Variants in ZNF341 observed in about 807,000 individuals in gnomAD.
ZNF341 encodes zinc finger protein 341.
A neutral mutation model predicts 87.7 loss-of-function variants in ZNF341; 52 were observed. The observed-to-expected ratio is 0.59, with a 90% CI of 0.47 to 0.75. The LOEUF (loss-of-function observed/expected upper bound fraction) is 0.75, where lower values mean the gene tolerates loss of function less well. ZNF341 is among the 30% of genes least tolerant of loss of function. The pLI is 0.00. For missense variants in ZNF341, 977 were observed against 1,145.9 expected (o/e 0.85, Z 2.13); for synonymous variants, 459 against 472.7 (o/e 0.97, Z 0.38).
chr20:33,746,708 A>C (rs1280600445), intron 3 of ZNF341, among the ~76,000 whole-genome samples: 2 of 152,188 alleles, frequency 1.3e-5, no homozygotes, highest in Admixed American at 6.5e-5. Context: ...CAGGCAGTGG[A>C]TGCGGGTAGC....
intron 2 of ZNF341, among the ~76,000 whole-genome samples, chr20:33,741,703 C>A (rs2122637156): frequency 6.6e-6 from 1 of 152,332 alleles, no homozygotes; most frequent in East Asian, 1.9e-4. Flanking sequence ...CTGCACCTGG[C>A]CTGTAAGGGC....
chr20:33,779,048 G>A (rs893926536), intron 10 of ZNF341, among the ~76,000 whole-genome samples: 13 of 152,096 alleles, frequency 8.5e-5, no homozygotes, highest in Non-Finnish European at 7.3e-5. Context: ...CTGAGACTGG[G>A]TAATTTATAA....
chr20:33,778,729 A>G (rs1412162881), intron 10 of ZNF341, among the ~76,000 whole-genome samples: 4 of 152,226 alleles, frequency 2.6e-5, no homozygotes, highest in Non-Finnish European at 4.4e-5. Flanking sequence ...AGTACTCTAC[A>G]CAGCCTGCCT....
chr20:33,775,400 C>T (rs1303422079), intron 10 of ZNF341, among the ~76,000 whole-genome samples: 2 of 151,524 alleles, frequency 1.3e-5, no homozygotes, highest in African/African-American at 4.9e-5. Context: ...TTAGTAGAGA[C>T]GGGGTTTCAC....
intron 8 of ZNF341, among the ~76,000 whole-genome samples, chr20:33,764,799 T>C (rs1379669523): frequency 2.0e-5 from 3 of 151,598 alleles, no homozygotes; most frequent in East Asian, 3.9e-4. Flanking sequence ...GGATATGGAC[T>C]GGACACATTT....
At chr20:33,783,693 C>A in intron 11 of ZNF341, 39 bp from the exon 12 acceptor site, 2 of 1,612,908 alleles carry the variant, frequency 1.2e-6, no homozygotes, top group East Asian at 2.2e-5. Flanking sequence ...GGGAGGGGGG[C>A]CCGGTGAGTC....
At chr20:33,774,672 T>C (rs2019595767) in intron 10 of ZNF341, among the ~76,000 whole-genome samples, 1 of 152,176 alleles carries the variant, frequency 6.6e-6, no homozygotes, top group African/African-American at 2.4e-5. Context: ...CTTTTTCACT[T>C]AAAACAGTAA....
At chr20:33,769,785 C>T (rs1024195355) in intron 9 of ZNF341, among the ~76,000 whole-genome samples, 1 of 152,190 alleles carries the variant, frequency 6.6e-6, no homozygotes, top group Non-Finnish European at 1.5e-5. Context: ...GTGGTGTGCA[C>T]CTGTAATCCC....
intron 1 of ZNF341, among the ~76,000 whole-genome samples, chr20:33,734,091 G>T: frequency 6.6e-6 from 1 of 152,250 alleles, no homozygotes; most frequent in East Asian, 1.9e-4. Flanking sequence ...AGAGAAATCA[G>T]TTCCTAGGAC....
At chr20:33,789,402 C>T (rs1231734911) in intron 13 of ZNF341, 116 bp from the exon 14 acceptor site, 2 of 1,079,262 alleles carry the variant, frequency 1.9e-6, no homozygotes, top group Non-Finnish European at 2.8e-6. Context: ...ACCCTACCTC[C>T]TTGCCCAGCC....
Position 33,791,667 on chromosome 20 carries a change from C to T in ZNF341, c.*150C>T. 1.1e-6 allele frequency: 1 copy of T among 926,622 alleles called. No individual in the cohort carries two copies. The highest frequency in any genetic ancestry group is 1.5e-6 in the Non-Finnish European group (1 of 645,170). The allele number at this position is 926,622 out of a possible 1,614,324, so 57.4% of individuals were successfully genotyped here. A position where few individuals can be genotyped will look rare whatever the true frequency, so the allele number is the denominator to read the frequency against. ...TGAATGTCATTCAGAAACCTCAGCC[C>T]ATGGTCGCCCTCCTGTGCCCCTCTC... On this transcript the variant is annotated 3_prime_UTR_variant, in exon 15 of 15. Coordinates refer to ENST00000375200, the MANE Select transcript of ZNF341 (RefSeq NM_001282933.2).
At chr20:33,770,423 C>A in intron 10 of ZNF341, 131 bp downstream of exon 10, 6 of 919,898 alleles carry the variant, frequency 6.5e-6, no homozygotes, top group Non-Finnish European at 9.7e-6. Flanking sequence ...AGGCTCCTGG[C>A]TGGGGTCCAG....
rs775677450 is a variant in ZNF341 at position 33,791,348 on chromosome 20, C to T, written c.2396C>T (p.Ala799Val). The T allele has an allele frequency of 9.3e-6, 15 of 1,612,068 alleles. No individual in the cohort carries two copies. Among genetic ancestry groups the T allele is most frequent in the South Asian group, 3.3e-5 (3 of 90,974 alleles). Residue 799 changes from alanine (A) to valine (V), a missense_variant, in exon 15 of 15, where the codon GCG becomes GTG. By Grantham distance (64) the Ala-to-Val change is moderately conservative. Transcript: ENST00000375200. Reference protein sequence around the residue: ...PGKPPFAEPDAVLSIVVGGAV... With the variant: ...PGKPPFAEPDVVLSIVVGGAV... ...AAGCCGCCCTTCGCAGAGCCGGACG[C>T]GGTGCTGTCCATCGTTGTGGGTGGT...
chr20:33,752,844 G>C (rs1265469305), intron 4 of ZNF341, among the ~76,000 whole-genome samples: 1 of 151,754 alleles, frequency 6.6e-6, no homozygotes, highest in Admixed American at 6.6e-5. Flanking sequence ...GTAGAGACAG[G>C]GTTTCACCAT....
At chr20:33,752,948 A>G (rs770395694) in intron 4 of ZNF341, among the ~76,000 whole-genome samples, 10 of 152,014 alleles carry the variant, frequency 6.6e-5, no homozygotes, top group Non-Finnish European at 1.2e-4. Flanking sequence ...GCGCCCGGCC[A>G]TTTTTGCCTA....
At chr20:33,780,470 C>T (rs958194155) in intron 10 of ZNF341, among the ~76,000 whole-genome samples, 18 of 151,080 alleles carry the variant, frequency 1.2e-4, no homozygotes, top group South Asian at 4.2e-4. Context: ...TGCAGTGGTG[C>T]GATCTCGGCT....
intron 12 of ZNF341, among the ~76,000 whole-genome samples, chr20:33,785,423 C>T (rs1486602215): frequency 1.2e-4 from 18 of 152,134 alleles, no homozygotes; most frequent in African/African-American, 4.1e-4. Flanking sequence ...CTACAACCTC[C>T]GCCTCCCAGG....
chr20:33,783,447 G>A (rs923827135), intron 11 of ZNF341, among the ~76,000 whole-genome samples: 4 of 152,156 alleles, frequency 2.6e-5, no homozygotes, highest in Non-Finnish European at 5.9e-5. Context: ...AGTGACGCCC[G>A]AGTTGGGTCT....
rs140769699 is a variant in ZNF341 at position 33,766,877 on chromosome 20, C to T, written c.1249C>T (p.Pro417Ser). 5.1e-5 allele frequency: 82 copies of T among 1,613,006 alleles called. No individual in the cohort carries two copies. In the African/African-American group the frequency reaches 1.1e-3, roughly 21 times the overall value. ...GTTGGGCCAGCCCCTGCCGGGTGCG[C>T]CACAGCCCCAGGCCTTGTCCACAGC... ...TGLGQPLPGA[P>S]QPQALSTAGE... is the part of the protein sequence containing the mutation. The change falls in exon 9 of 15, where the codon CCA becomes TCA. Residue 417 changes from proline to serine, a missense_variant. Pro to Ser is a moderately conservative substitution (Grantham distance 74, BLOSUM62 -1). Transcript: ENST00000375200.
Sources: allele counts gnomAD v4.1 joint callset (sites outside exome capture counted in the v4.1 genomes callset), GRCh38; gene constraint gnomAD v4.1.1; transcripts MANE v1.5; gene names NCBI Gene and HGNC (gene_info 2026-07-23, HGNC 2026-07-21).